The following APP variants were observed in gnomAD, a reference collection of about 807,000 sequenced individuals.
APP encodes amyloid-beta precursor protein.
A neutral mutation model predicts 101.4 loss-of-function variants in APP; 31 were observed. The ratio of observed to expected loss-of-function variants is 0.31; its 90% CI spans 0.23 to 0.41. The LOEUF (loss-of-function observed/expected upper bound fraction) is 0.41. APP is among the 10% of genes least tolerant of loss of function. The pLI, the probability that APP is intolerant of heterozygous loss-of-function variation, is 1.00. For synonymous variants in APP, 366 were observed against 364.4 expected, an observed-to-expected ratio of 1.00 and a Z score of -0.05; for missense variants, 839 against 1,003.7, an observed-to-expected ratio of 0.84 and a Z score of 2.22.
chr21:25,918,651 C>A (rs1034101291), intron 13 of APP, among the ~76,000 whole-genome samples: 2 of 151,812 alleles, frequency 1.3e-5, no homozygotes, highest in African/African-American at 4.8e-5. Flanking sequence ...TCACTCCCAC[C>A]CGAATATTGC....
intron 3 of APP, among the ~76,000 whole-genome samples, chr21:26,066,638 C>T (rs181386588): frequency 6.6e-6 from 1 of 152,184 alleles, no homozygotes; most frequent in Non-Finnish European, 1.5e-5. Context: ...CTTGCTGTGT[C>T]CTTTTAAAAA....
chr21:25,897,586 T>C lies in APP; in HGVS notation c.2051A>G (p.His684Arg). 1.2e-6 allele frequency: 2 copies of C among 1,613,068 alleles called. No homozygotes were observed. The highest frequency in any genetic ancestry group is 1.7e-6 in the Non-Finnish European group (2 of 1,178,996). ...TATTTTACGTACCAATTTTTGATGA[T>C]GAACTTCATATCCTGAGTCATGTCG... ...EFRHDSGYEV[H>R]HQKLVFFAED... The change falls in exon 16 of 18, where the codon CAT becomes CGT. Residue 684 changes from histidine (H) to arginine (R), a missense_variant. Physicochemically the swap from His to Arg is conservative, Grantham distance 29 (BLOSUM62 0). Transcript: ENST00000346798.
intron 17 of APP, among the ~76,000 whole-genome samples, chr21:25,882,103 GACAA>G (rs2037026757): frequency 6.6e-6 from 1 of 151,956 alleles, no homozygotes; most frequent in Non-Finnish European, 1.5e-5. Flanking sequence ...GTCCATAAAG[GACAA>G]ACAGAGTCAA....
intron 1 of APP, among the ~76,000 whole-genome samples, chr21:26,158,891 T>C (rs534201214): frequency 2.7e-4 from 41 of 152,276 alleles, no homozygotes; most frequent in African/African-American, 9.6e-4. Context: ...TACCTAATTA[T>C]TTCTCCGTCT....
At chr21:25,947,982 G>C (rs1009112512) in intron 13 of APP, among the ~76,000 whole-genome samples, 19 of 141,136 alleles carry the variant, frequency 1.3e-4, no homozygotes, top group Admixed American at 1.3e-3. Flanking sequence ...TCCAGCCTGG[G>C]TGACTGAGCA....
chr21:26,008,304 A>C (rs1027342090), intron 6 of APP, among the ~76,000 whole-genome samples: 2 of 152,188 alleles, frequency 1.3e-5, no homozygotes, highest in Non-Finnish European at 2.9e-5. Flanking sequence ...CACTCACAAA[A>C]GGGTACCACT....
chr21:25,943,593 C>T (rs558455774), intron 13 of APP, among the ~76,000 whole-genome samples: 94 of 152,088 alleles, frequency 6.2e-4, no homozygotes, highest in African/African-American at 2.2e-3. Context: ...GGATTACAGG[C>T]ATGTGCCACC....
At chr21:25,969,864 G>GAAAAT (rs1371039636) in intron 11 of APP, among the ~76,000 whole-genome samples, 1 of 38,906 alleles carries the variant, frequency 2.6e-5, no homozygotes, top group African/African-American at 8.6e-5. Context: ...CAAAAGAAAA[G>GAAAAT]AAAAGAAAAG....
At chr21:25,924,429 G>GAAAAAAAAAAAAAAA (rs1338097815) in intron 13 of APP, among the ~76,000 whole-genome samples, 1 of 53,666 alleles carries the variant, frequency 1.9e-5, no homozygotes, top group Non-Finnish European at 3.1e-5. Flanking sequence ...AAAAAAAAAG[G>GAAAAAAAAAAAAAAA]AAAAAAAAAA....
chr21:26,067,873 A>G (rs2046519427), intron 3 of APP, among the ~76,000 whole-genome samples: 1 of 152,030 alleles, frequency 6.6e-6, no homozygotes. Flanking sequence ...AGGTATTCTC[A>G]CTGGTTGCTT....
At chr21:26,123,349 A>G (rs2062614804) in intron 1 of APP, among the ~76,000 whole-genome samples, 1 of 152,222 alleles carries the variant, frequency 6.6e-6, no homozygotes, top group Non-Finnish European at 1.5e-5. Context: ...TTAACTTGAC[A>G]TAAAAACCCA....
intron 6 of APP, among the ~76,000 whole-genome samples, chr21:26,007,246 G>T: frequency 6.6e-6 from 1 of 151,012 alleles, no homozygotes; most frequent in Admixed American, 6.6e-5. Flanking sequence ...ATTTATTTTT[G>T]TAATAAGTTA....
chr21:25,991,833 G>A (rs772136421), intron 8 of APP, among the ~76,000 whole-genome samples: 1 of 152,192 alleles, frequency 6.6e-6, no homozygotes, highest in African/African-American at 2.4e-5. Flanking sequence ...ATCTGGCCTT[G>A]TATGAAAAAT....
chr21:25,882,204 T>C (rs1192459282), intron 17 of APP, among the ~76,000 whole-genome samples: 1 of 151,842 alleles, frequency 6.6e-6, no homozygotes, highest in Non-Finnish European at 1.5e-5. Flanking sequence ...AAGTATACTG[T>C]ATCTTGGGTG....
At chr21:26,056,199 A>T (rs2046034005) in intron 3 of APP, among the ~76,000 whole-genome samples, 1 of 152,056 alleles carries the variant, frequency 6.6e-6, no homozygotes, top group Admixed American at 6.6e-5. Flanking sequence ...CATCATGCCC[A>T]GCTAATTATT....
intron 1 of APP, among the ~76,000 whole-genome samples, chr21:26,164,110 T>C (rs1461434039): frequency 6.6e-6 from 1 of 152,138 alleles, no homozygotes; most frequent in East Asian, 1.9e-4. Flanking sequence ...CTGGGCATAG[T>C]GGCACACGCC....
intron 1 of APP, among the ~76,000 whole-genome samples, chr21:26,147,164 T>C (rs2063171188): frequency 1.3e-5 from 2 of 152,320 alleles, no homozygotes; most frequent in South Asian, 2.1e-4. Flanking sequence ...TTTATAATAA[T>C]TGTATTAATT....
At chr21:26,161,335 T>C (rs2146378329) in intron 1 of APP, among the ~76,000 whole-genome samples, 1 of 152,344 alleles carries the variant, frequency 6.6e-6, no homozygotes, top group East Asian at 1.9e-4. Flanking sequence ...ACTGAAATGA[T>C]CAGAGAACTT....
chr21:26,120,532 G>C (rs2062542332), intron 1 of APP, among the ~76,000 whole-genome samples: 1 of 152,128 alleles, frequency 6.6e-6, no homozygotes, highest in Admixed American at 6.5e-5. Flanking sequence ...GGTTGTCCTA[G>C]AATTGGAAAG....
Sources: gnomAD v4.1 joint callset for allele counts (sites outside exome capture counted in the v4.1 genomes callset) on GRCh38, gnomAD v4.1.1 for gene constraint, MANE v1.5 for transcripts, NCBI Gene and HGNC (gene_info 2026-07-23, HGNC 2026-07-21) for gene names.